VMA21: variants seen among roughly 807,000 people sequenced by gnomAD.
VMA21 encodes vacuolar ATPase assembly factor VMA21.
For missense variants in VMA21, 61 were observed against 80.6 expected, an observed-to-expected ratio of 0.76 and a Z score of 0.93; for synonymous variants, 47 against 34.1, an observed-to-expected ratio of 1.38 and a Z score of -1.32.
upstream of VMA21, chrX:151,396,855 T>C (rs2011192662): frequency 1.9e-6 from 1 of 520,827 alleles, no homozygotes; most frequent in Non-Finnish European, 3.5e-6. Flanking sequence ...CGGGTCTCCT[T>C]GCGGCCCCCA....
chrX:151,396,777 C>A, upstream of VMA21: 1 of 458,318 alleles, frequency 2.2e-6, no homozygotes. Context: ...TTGTCGTCGG[C>A]GGAATACGCT....
At chrX:151,396,683 T>G (rs1010717207), upstream of VMA21, 2 of 409,378 alleles carry the variant, frequency 4.9e-6, no homozygotes, top group East Asian at 7.8e-5. Flanking sequence ...GCCAAGGGCT[T>G]GACTTCCTAC....
chrX:151,397,983 C>T (rs991979409), intron 1 of VMA21, among the ~76,000 whole-genome samples: 3 of 110,860 alleles, frequency 2.7e-5, no homozygotes, highest in Non-Finnish European at 5.7e-5. Context: ...TTCTTAATTT[C>T]TCTAACTGCT....
In VMA21 at chrX:151,408,908, CA is replaced by C. The variant is rs2011323651; in HGVS notation, c.*3851del. ...AAGATGTTCTGTAAGTCATATTTGT[CA>C]GTTATACAGAGTAGTCTTCCTTTTC... On this transcript the variant is annotated 3_prime_UTR_variant, in exon 3 of 3. Transcript: ENST00000330374. The C allele has an allele frequency of 8.9e-6, 1 of 112,568 alleles. No individual in the cohort carries two copies. The allele number at this position is 112,568 out of a possible 1,213,427, so 9.3% of individuals were successfully genotyped here. A position where few individuals can be genotyped will look rare whatever the true frequency, so the allele number is the denominator to read the frequency against.
chrX:151,401,805 G>A (rs979871543), intron 1 of VMA21, among the ~76,000 whole-genome samples: 1 of 111,084 alleles, frequency 9.0e-6, no homozygotes, highest in East Asian at 2.9e-4. Flanking sequence ...AGAGTAAAGT[G>A]CCCCAATCAC....
In VMA21 at chrX:151,405,036, G is replaced by C. The variant is rs1387660027; in HGVS notation, c.284G>C (p.Trp95Ser). The C allele has an allele frequency of 8.3e-7, 1 of 1,210,672 alleles. No individual in the cohort carries two copies. The highest frequency in any genetic ancestry group is 1.1e-6 in the Non-Finnish European group (1 of 895,421). ...YVAWNEGSRQ[W>S]REGKQD ...GCCTGGAATGAAGGCTCACGACAGT[G>C]GCGTGAAGGCAAACAGGATTAAAGT... Residue 95 changes from tryptophan (W) to serine (S), a missense_variant, in exon 3 of 3, where the codon TGG becomes TCG. Physicochemically the swap from Trp to Ser is radical, Grantham distance 177 (BLOSUM62 -3). Transcript: ENST00000330374.
In VMA21 at chrX:151,405,064, ACAT is replaced by A. The variant is rs763492918; in HGVS notation, c.*9_*11del. On this transcript the variant is annotated 3_prime_UTR_variant, in exon 3 of 3. Transcript: ENST00000330374. Reference sequence around the variant, plus strand: ...GTGAAGGCAAACAGGATTAAAGTGAACATCACCTTTTTATAGCATTAAATTCAT... The same window carrying A: ...GTGAAGGCAAACAGGATTAAAGTGAACACCTTTTTATAGCATTAAATTCAT... 7 of 1,208,091 alleles carry A rather than the reference ACAT, an allele frequency of 5.8e-6. No homozygotes were observed. The highest frequency in any genetic ancestry group is 6.7e-6 in the Non-Finnish European group (6 of 894,837).
upstream of VMA21, chrX:151,397,072 C>T (rs1266657731): frequency 1.5e-5 from 7 of 455,912 alleles, no homozygotes; most frequent in Middle Eastern, 5.8e-4. Context: ...GTCATGTGAG[C>T]GCCCGCCCCC....
In VMA21 at chrX:151,404,136, C is replaced by T. The variant is rs916603220; in HGVS notation, c.163+396C>T. 4.6e-5 allele frequency among the ~76,000 whole-genome samples: 5 copies of T among 108,007 alleles called. No individual in the cohort carries two copies. The South Asian group carries it at 1.7e-3, about 37-fold the overall frequency. The allele number at this position is 108,007 out of a possible 115,157, so 93.8% of individuals were successfully genotyped here. A position where few individuals can be genotyped will look rare whatever the true frequency, so the allele number is the denominator to read the frequency against. On this transcript the variant is annotated intron_variant, in intron 2 of 2. Transcript: ENST00000330374. ...TTGCACAGGCTGGAGTGCAATGGCG[C>T]GATCTCGGCTCACCGCAACCCCCGC...
rs188254053 is a variant in VMA21 at position 151,397,230 on chromosome X, C to A, written c.-79C>A. On this transcript the variant is annotated 5_prime_UTR_variant, in exon 1 of 3. Transcript: ENST00000330374. ...TACTTCCGGTGCGAACCGCCTCGGC[C>A]GTTCCCTCGCGGAGCTTACTGAGCG... 2.8e-6 allele frequency: 3 copies of A among 1,076,776 alleles called. No individual in the cohort carries two copies. Among genetic ancestry groups the A allele is most frequent in the Non-Finnish European group, 3.7e-6 (3 of 808,971 alleles). The allele number at this position is 1,076,776 out of a possible 1,213,427, so 88.7% of individuals were successfully genotyped here. A position where few individuals can be genotyped will look rare whatever the true frequency, so the allele number is the denominator to read the frequency against.
Position 151,403,754 on chromosome X carries a change from C to G in VMA21, c.163+14C>G. ...ACATATTTGAAGGTAATCTTAGACC[C>G]ATTAAAACAAGATGTTTTCCCCCAA... On this transcript the variant is annotated intron_variant, in intron 2 of 2. Coordinates refer to ENST00000330374, the MANE Select transcript of VMA21 (RefSeq NM_001017980.4). The G allele has an allele frequency of 8.9e-7, 1 of 1,127,847 alleles. No homozygotes were observed. Among genetic ancestry groups the G allele is most frequent in the Non-Finnish European group, 1.2e-6 (1 of 819,789 alleles). The allele number at this position is 1,127,847 out of a possible 1,213,427, so 92.9% of individuals were successfully genotyped here. A position where few individuals can be genotyped will look rare whatever the true frequency, so the allele number is the denominator to read the frequency against.
chrX:151,401,417 A>C (rs1427633623), intron 1 of VMA21, among the ~76,000 whole-genome samples: 1 of 112,053 alleles, frequency 8.9e-6, no homozygotes, highest in Non-Finnish European at 1.9e-5. Flanking sequence ...TATTGTTTTG[A>C]TTACTATAAC....
intron 2 of VMA21, 98 bp from the exon 3 acceptor site, chrX:151,404,818 A>T: frequency 9.7e-7 from 1 of 1,032,023 alleles, no homozygotes; most frequent in Non-Finnish European, 1.3e-6. Context: ...CTGACTAGTT[A>T]AATAAATACA....
At chrX:151,402,056 T>G (rs762038740) in intron 1 of VMA21, among the ~76,000 whole-genome samples, 4 of 111,844 alleles carry the variant, frequency 3.6e-5, no homozygotes, top group Admixed American at 2.8e-4. Flanking sequence ...GTATTTTTTT[T>G]TAATGCTATT....
In VMA21 at chrX:151,399,542, T is replaced by TTAGGG. The variant is rs2011221823; in HGVS notation, c.53+2183_53+2187dup. Among the ~76,000 whole-genome samples the TTAGGG allele has an allele frequency of 2.7e-5, 3 of 111,935 alleles. No individual in the cohort carries two copies. In the South Asian group the frequency reaches 1.1e-3, roughly 41 times the overall value. ...GAAACACCAAAGTCAAGTGCTTTTT[T>TTAGGG]TAGGGTGCACAAAAGAATTGGCCAA... On this transcript the variant is annotated intron_variant, in intron 1 of 2. Transcript: ENST00000330374.
At chrX:151,397,050 C>A (rs1177067257), upstream of VMA21, 3 of 492,696 alleles carry the variant, frequency 6.1e-6, no homozygotes, top group Non-Finnish European at 1.1e-5. Context: ...GCCGCGGAGC[C>A]ACCGCCGGTA....
rs1258491262 is a variant in VMA21 at position 151,407,461 on chromosome X, A to G, written c.*2403A>G. The G allele has an allele frequency of 8.9e-6, 1 of 112,894 alleles. No individual in the cohort carries two copies. The highest frequency in any genetic ancestry group is 1.9e-5 in the Non-Finnish European group (1 of 53,321). 9.3% of individuals were successfully genotyped at this position (112,894 alleles called of 1,213,427 possible). A position where few individuals can be genotyped will look rare whatever the true frequency, so the allele number is the denominator to read the frequency against. ...TGTCTCACTAGTTTCCTTTTACACA[A>G]TGTATATACTTCAAGATGTATAGAA... On this transcript the variant is annotated 3_prime_UTR_variant, in exon 3 of 3. Coordinates refer to ENST00000330374, the MANE Select transcript of VMA21 (RefSeq NM_001017980.4).
intron 1 of VMA21, among the ~76,000 whole-genome samples, chrX:151,401,303 T>C (rs1039989486): frequency 8.9e-6 from 1 of 112,159 alleles, no homozygotes; most frequent in Non-Finnish European, 1.9e-5. Flanking sequence ...ATTGTGTTCC[T>C]CTTAACACCC....
chrX:151,403,969 T>G (rs1027006979), intron 2 of VMA21, among the ~76,000 whole-genome samples: 11 of 112,215 alleles, frequency 9.8e-5, no homozygotes, highest in Non-Finnish European at 1.9e-4. Context: ...TTAGTACCTT[T>G]TAAAGAATAG....
Sources: allele counts gnomAD v4.1 joint callset (sites outside exome capture counted in the v4.1 genomes callset), GRCh38; gene constraint gnomAD v4.1.1; transcripts MANE v1.5; gene names NCBI Gene and HGNC (gene_info 2026-07-23, HGNC 2026-07-21).